RIMBP2: variants seen among roughly 807,000 people sequenced by gnomAD.
The protein encoded by RIMBP2 is RIMS-binding protein 2.
Under a neutral mutation model 118.6 loss-of-function variants are expected in RIMBP2, and 48 were observed. The ratio of observed to expected loss-of-function variants is 0.40; its 90% CI spans 0.32 to 0.51. The LOEUF is 0.51. Ranked by LOEUF, RIMBP2 falls within the 20% of genes least tolerant of loss-of-function variation. RIMBP2 has a pLI of 0.41. For missense variants in RIMBP2, 1,551 were observed against 1,768.3 expected, an observed-to-expected ratio of 0.88 and a Z score of 2.20; for synonymous variants, 762 against 742.9, an observed-to-expected ratio of 1.03 and a Z score of -0.42.
intron 5 of RIMBP2, among the ~76,000 whole-genome samples, chr12:130,478,118 C>T (rs2081603162): frequency 1.3e-5 from 2 of 152,220 alleles, no homozygotes; most frequent in African/African-American, 4.8e-5. Context: ...GGTTACCTTT[C>T]TCAGTCCCCA....
chr12:130,661,143 A>T (rs1161459255), intron 1 of RIMBP2, among the ~76,000 whole-genome samples: 1 of 152,166 alleles, frequency 6.6e-6, no homozygotes, highest in Non-Finnish European at 1.5e-5. Context: ...CGCAGTCTGT[A>T]TTCCAGCAGC....
chr12:130,456,796 CACTGTGTGCACGTGTGT>C (rs1297458527), intron 6 of RIMBP2, 96 bp from the exon 7 acceptor site: 19 of 860,638 alleles, frequency 2.2e-5, no homozygotes, highest in African/African-American at 6.7e-5. Flanking sequence ...TGCACATGTG[CACTGTGTGCACGTGTGT>C]ACACACGTGT....
At chr12:130,564,062 C>G (rs7305732) in intron 2 of RIMBP2, among the ~76,000 whole-genome samples, 567 of 2,918 alleles carry the variant, frequency 0.19, 131 homozygotes, top group Middle Eastern at 0.5. Context: ...CTCTCTCTGT[C>G]CCCTCTTCCT....
At chr12:130,537,987 T>C (rs1253372651) in intron 2 of RIMBP2, among the ~76,000 whole-genome samples, 1 of 152,140 alleles carries the variant, frequency 6.6e-6, no homozygotes, top group South Asian at 2.1e-4. Flanking sequence ...CTGTTTCCAT[T>C]TTATTCACAC....
Position 130,548,819 on chromosome 12 carries a change from G to T in RIMBP2, c.-216-30902C>A, listed in dbSNP as rs191243766. On this transcript the variant is annotated intron_variant, in intron 2 of 22. Coordinates refer to ENST00000690449, the MANE Select transcript of RIMBP2 (RefSeq NM_001393629.1). ...AAATTCCTGACCCCATGGTCCCATG[G>T]GGTCCCCATGGGAGGCCTCAGCCTC... is the stretch of plus-strand genomic sequence containing the variant. 4.1e-3 allele frequency among the ~76,000 whole-genome samples: 626 copies of T among 151,438 alleles called. 7 individuals are homozygous for T. Among genetic ancestry groups the T allele is most frequent in the African/African-American group, 0.014 (565 of 41,274 alleles).
In RIMBP2 at chr12:130,422,503, C is replaced by T. The variant is rs138125823; in HGVS notation, c.3188G>A (p.Arg1063His). 249 of 1,613,244 alleles carry T rather than the reference C, an allele frequency of 1.5e-4. 1 individual carries two copies. The African/African-American group carries it at 2.0e-3, about 13-fold the overall frequency. The change falls in exon 17 of 23, where the codon CGT becomes CAT. Residue 1063 changes from arginine to histidine, a missense_variant. Arg to His is a conservative substitution (Grantham distance 29). This residue lies in a region of RIMBP2 where 1,038 missense variants were observed against 1,125.1 expected (regional missense o/e 0.92). Coordinates refer to ENST00000690449, the MANE Select transcript of RIMBP2 (RefSeq NM_001393629.1). The surrounding 1 kb of genome is among the most constrained non-coding windows in gnomAD (Gnocchi z 5.2). Reference protein sequence around the residue: ...RVDHMGRRFPRGSAGPQRSRP... With the variant: ...RVDHMGRRFPHGSAGPQRSRP... ...GGACCTCTGAGGACCAGCGCTGCCA[C>T]GGGGAAACCTCCGGCCCATGTGATC...
At chr12:130,694,090 T>C (rs764330251) in intron 1 of RIMBP2, among the ~76,000 whole-genome samples, 1 of 152,222 alleles carries the variant, frequency 6.6e-6, no homozygotes, top group Non-Finnish European at 1.5e-5. Flanking sequence ...AGCATAATTC[T>C]GAATGAGATG....
At chr12:130,497,790 G>C (rs1566147750) in intron 4 of RIMBP2, among the ~76,000 whole-genome samples, 1 of 152,180 alleles carries the variant, frequency 6.6e-6, no homozygotes, top group Non-Finnish European at 1.5e-5. Flanking sequence ...CTTCTGACAG[G>C]CACCCTGCTT....
intron 2 of RIMBP2, among the ~76,000 whole-genome samples, chr12:130,598,808 G>A (rs1001617552): frequency 8.6e-5 from 13 of 151,930 alleles, no homozygotes; most frequent in Admixed American, 2.6e-4. Context: ...GTAATGCATC[G>A]GATAGACAAA....
At chr12:130,486,296 G>A (rs375895149) in intron 4 of RIMBP2, among the ~76,000 whole-genome samples, 10 of 152,152 alleles carry the variant, frequency 6.6e-5, no homozygotes, top group East Asian at 1.9e-4. Flanking sequence ...TCTGGCCCCC[G>A]TGGGGCGCGC....
chr12:130,563,377 A>G (rs2056965769), intron 2 of RIMBP2, among the ~76,000 whole-genome samples: 1 of 152,224 alleles, frequency 6.6e-6, no homozygotes, highest in Non-Finnish European at 1.5e-5. Context: ...TGGTTCAAAT[A>G]CCAAATGGAA....
chr12:130,592,360 A>ACC (rs777632265), intron 2 of RIMBP2, among the ~76,000 whole-genome samples: 1 of 152,094 alleles, frequency 6.6e-6, no homozygotes, highest in African/African-American at 2.4e-5. Context: ...TTTGACAGCC[A>ACC]CCCCTTTGCC....
chr12:130,646,428 T>TCACCACCTGC (rs2062967842), intron 1 of RIMBP2, among the ~76,000 whole-genome samples: 1 of 118,652 alleles, frequency 8.4e-6, no homozygotes, highest in Non-Finnish European at 1.9e-5. Flanking sequence ...ACCACTTCCC[T>TCACCACCTGC]CTCCACCTCC....
intron 1 of RIMBP2, among the ~76,000 whole-genome samples, chr12:130,646,628 G>C (rs966370250): frequency 5.3e-5 from 8 of 152,196 alleles, no homozygotes; most frequent in Non-Finnish European, 7.3e-5. Context: ...AATCTTAGAG[G>C]TATAGGGAGC....
intron 1 of RIMBP2, among the ~76,000 whole-genome samples, chr12:130,645,463 G>T (rs990893683): frequency 6.6e-6 from 1 of 152,176 alleles, no homozygotes; most frequent in Admixed American, 6.5e-5. Flanking sequence ...CCCAGCACTG[G>T]CTGGATGTGA....
intron 3 of RIMBP2, among the ~76,000 whole-genome samples, chr12:130,509,819 G>A (rs1230202636): frequency 6.6e-6 from 1 of 151,962 alleles, no homozygotes; most frequent in Non-Finnish European, 1.5e-5. Context: ...CTGTGTATTT[G>A]CTATTGTGAC....
At position 130,475,250 on chromosome 12, in the gene RIMBP2, C is replaced by T. The variant is rs372709030; in HGVS notation, c.102+3662G>A. ...TTCACATGATCTTACGTGCTTCTCC[C>T]GACCGCCATGCAGGGCAGGAGGACA... On this transcript the variant is annotated intron_variant, in intron 5 of 22. Transcript: ENST00000690449. This position sits in a 1 kb window ranked among gnomAD's most constrained non-coding sequence, Gnocchi z 4.1. 1.3e-5 allele frequency among the ~76,000 whole-genome samples: 2 copies of T among 152,206 alleles called. No homozygotes were observed. Among genetic ancestry groups the T allele is most frequent in the African/African-American group, 4.8e-5 (2 of 41,448 alleles).
At chr12:130,458,587 C>T (rs945851755) in intron 6 of RIMBP2, among the ~76,000 whole-genome samples, 2 of 152,234 alleles carry the variant, frequency 1.3e-5, no homozygotes, top group Non-Finnish European at 2.9e-5. Flanking sequence ...CTGAGCTCAA[C>T]TGTGTGAGCC....
At chr12:130,586,900 A>C (rs2058922479) in intron 2 of RIMBP2, among the ~76,000 whole-genome samples, 1 of 85,326 alleles carries the variant, frequency 1.2e-5, no homozygotes, top group African/African-American at 4.7e-5. Context: ...CAACCTACAA[A>C]ATGGGAGAAA....
Sources: allele counts gnomAD v4.1 joint callset (sites outside exome capture counted in the v4.1 genomes callset), GRCh38; gene constraint gnomAD v4.1.1; regional missense constraint gnomAD v4.1.1; non-coding constraint Gnocchi (gnomAD v3.1); transcripts MANE v1.5; gene names NCBI Gene and HGNC (gene_info 2026-07-23, HGNC 2026-07-21).